The following NXPH1 variants were observed in gnomAD, a reference collection of about 807,000 sequenced individuals.
NXPH1 encodes neurexophilin-1.
In NXPH1, 5 loss-of-function variants were observed where a neutral mutation model predicts 23.7. That is an observed-to-expected ratio of 0.21 (90% CI 0.11 to 0.44). NXPH1 has a LOEUF of 0.44. Among genes scored for constraint, NXPH1 ranks in the 20% least tolerant of loss-of-function variants. NXPH1 has a pLI of 0.99. For missense variants in NXPH1, 324 were observed against 321.6 expected (o/e 1.01, Z -0.06); for synonymous variants, 144 against 122.2 (o/e 1.18, Z -1.18).
At chr7:8,501,700 G>C (rs1046486781) in intron 2 of NXPH1, among the ~76,000 whole-genome samples, 1 of 152,040 alleles carries the variant, frequency 6.6e-6, no homozygotes, top group African/African-American at 2.4e-5. Flanking sequence ...CAAGGAGCAA[G>C]TACACCAATT....
intron 2 of NXPH1, among the ~76,000 whole-genome samples, chr7:8,485,327 A>C (rs886387631): frequency 6.6e-6 from 1 of 152,152 alleles, no homozygotes; most frequent in African/African-American, 2.4e-5. Context: ...TGAGTCCATT[A>C]AACCTTTTTC....
chr7:8,682,173 G>C (rs1311685572), intron 2 of NXPH1, among the ~76,000 whole-genome samples: 4 of 152,154 alleles, frequency 2.6e-5, no homozygotes, highest in Non-Finnish European at 5.9e-5. Context: ...GATGAATGTG[G>C]TTACTTAGGG....
chr7:8,659,592 G>A (rs569184178), intron 2 of NXPH1, among the ~76,000 whole-genome samples: 3 of 152,104 alleles, frequency 2.0e-5, no homozygotes, highest in Non-Finnish European at 4.4e-5. Flanking sequence ...TGGGGTGGGG[G>A]CAGTGGGGAG....
intron 2 of NXPH1, among the ~76,000 whole-genome samples, chr7:8,658,791 G>T (rs892355780): frequency 2.0e-5 from 3 of 152,094 alleles, no homozygotes; most frequent in African/African-American, 7.2e-5. Flanking sequence ...TTACCTATAA[G>T]AAAATAAAAT....
At chr7:8,493,337 G>T (rs1028563480) in intron 2 of NXPH1, among the ~76,000 whole-genome samples, 2 of 152,026 alleles carry the variant, frequency 1.3e-5, no homozygotes, top group African/African-American at 4.8e-5. Flanking sequence ...CACGGCTGGA[G>T]GAAATGTAGG....
intron 2 of NXPH1, among the ~76,000 whole-genome samples, chr7:8,712,249 ATT>A (rs1181339716): frequency 1.3e-5 from 2 of 152,008 alleles, no homozygotes; most frequent in African/African-American, 4.8e-5. Context: ...TCTTTATGTT[ATT>A]TTTTTCCAAC....
chr7:8,435,434 C>CGCGCTTGCTGGTCTCAG lies in NXPH1; in HGVS notation c.-110-164_-110-148dup. 1 of 517,034 alleles carries CGCGCTTGCTGGTCTCAG rather than the reference C, an allele frequency of 1.9e-6. No individual in the cohort carries two copies. The highest frequency in any genetic ancestry group is 2.2e-5 in the South Asian group (1 of 45,056). 32.0% of individuals were successfully genotyped at this position (517,034 alleles called of 1,614,324 possible). ...CGCCCGCCTCCCCAGCTGCGGACCG[C>CGCGCTTGCTGGTCTCAG]GCGCTTGCTGGTCTCAGGCGCTGGA... On this transcript the variant is annotated intron_variant, in intron 1 of 2. Transcript: ENST00000405863. The surrounding 1 kb of genome is among the most constrained non-coding windows in gnomAD (Gnocchi z 5.9).
At chr7:8,625,496 G>T (rs529739546) in intron 2 of NXPH1, among the ~76,000 whole-genome samples, 1 of 152,162 alleles carries the variant, frequency 6.6e-6, no homozygotes, top group Admixed American at 6.6e-5. Context: ...TGCTTTTCCT[G>T]GTCAATTAAC....
At chr7:8,749,058 A>C (rs1005143390) in intron 2 of NXPH1, among the ~76,000 whole-genome samples, 1 of 152,116 alleles carries the variant, frequency 6.6e-6, no homozygotes, top group African/African-American at 2.4e-5. Flanking sequence ...ATTTTTTTCC[A>C]CATTCCAAGC....
intron 2 of NXPH1, among the ~76,000 whole-genome samples, chr7:8,478,613 C>T (rs906112144): frequency 4.6e-5 from 7 of 151,764 alleles, no homozygotes; most frequent in Admixed American, 4.6e-4. Context: ...GAAAACTTTC[C>T]AGAAATAAAA....
At chr7:8,578,254 C>A (rs906186463) in intron 2 of NXPH1, among the ~76,000 whole-genome samples, 4 of 152,166 alleles carry the variant, frequency 2.6e-5, no homozygotes, top group Non-Finnish European at 4.4e-5. Flanking sequence ...GTTGAAAATA[C>A]TGTAAGATGA....
At position 8,463,463 on chromosome 7, in the gene NXPH1, C is replaced by A. The variant is rs181974047; in HGVS notation, c.54+27696C>A. ...TGCAGTTATATTAGTATTATAAATT[C>A]TTGGAAGTGAACTTGCTGGGTCAAG... On this transcript the variant is annotated intron_variant, in intron 2 of 2. Transcript: ENST00000405863. Among the ~76,000 whole-genome samples, 70 of 151,982 alleles carry A rather than the reference C, an allele frequency of 4.6e-4. 1 individual carries two copies. Among genetic ancestry groups the A allele is most frequent in the Middle Eastern group, 3.4e-3 (1 of 292 alleles).
chr7:8,505,621 C>A (rs1817509181), intron 2 of NXPH1, among the ~76,000 whole-genome samples: 1 of 151,944 alleles, frequency 6.6e-6, no homozygotes, highest in Admixed American at 6.6e-5. Flanking sequence ...AGATAATTTC[C>A]ATAATACTTT....
At chr7:8,441,144 G>A (rs1184385876) in intron 2 of NXPH1, among the ~76,000 whole-genome samples, 1 of 152,192 alleles carries the variant, frequency 6.6e-6, no homozygotes, top group East Asian at 1.9e-4. Context: ...GACCTTAACA[G>A]TCCTCGCCGT....
At chr7:8,690,858 C>A (rs1821211059) in intron 2 of NXPH1, among the ~76,000 whole-genome samples, 1 of 152,142 alleles carries the variant, frequency 6.6e-6, no homozygotes, top group South Asian at 2.1e-4. Context: ...GGCCCACTGA[C>A]TTTTTGAAAG....
rs57462739 is a variant in NXPH1, at chr7:8,599,807, A to ATTTTT, written c.55-151190_55-151186dup. On this transcript the variant is annotated intron_variant, in intron 2 of 2. Transcript: ENST00000405863. ...GCCCATGTTACCCTTAGATAGGAAG[A>ATTTTT]TTTTTTTTTTTTTTTGGTGAAGGGA... is the stretch of plus-strand genomic sequence containing the variant. 3.4e-3 allele frequency among the ~76,000 whole-genome samples: 488 copies of ATTTTT among 145,204 alleles called. 3 individuals are homozygous for ATTTTT. The highest frequency in any genetic ancestry group is 0.012 in the African/African-American group (458 of 39,258).
At chr7:8,582,546 C>T (rs1818900573) in intron 2 of NXPH1, among the ~76,000 whole-genome samples, 5 of 152,132 alleles carry the variant, frequency 3.3e-5, no homozygotes, top group South Asian at 4.1e-4. Context: ...CAGTGGGTAG[C>T]TCTGCAGTGG....
intron 2 of NXPH1, among the ~76,000 whole-genome samples, chr7:8,724,827 C>G (rs553617693): frequency 1.3e-5 from 2 of 152,184 alleles, no homozygotes; most frequent in Non-Finnish European, 2.9e-5. Context: ...TGAGATCTCT[C>G]TGGCTAAACA....
chr7:8,558,405 C>A (rs1239002056), intron 2 of NXPH1, among the ~76,000 whole-genome samples: 2 of 151,556 alleles, frequency 1.3e-5, no homozygotes, highest in Non-Finnish European at 3.0e-5. Context: ...GCAGCTGGAG[C>A]TTGGGAGAGA....
Sources: gnomAD v4.1 joint callset for allele counts (sites outside exome capture counted in the v4.1 genomes callset) on GRCh38, gnomAD v4.1.1 for gene constraint, Gnocchi (gnomAD v3.1) non-coding constraint, MANE v1.5 for transcripts, NCBI Gene and HGNC (gene_info 2026-07-23, HGNC 2026-07-21) for gene names.